MAST4: variants seen among roughly 807,000 people sequenced by gnomAD.
MAST4 encodes the protein microtubule-associated serine/threonine-protein kinase 4.
In MAST4, 89 loss-of-function variants were observed where a neutral mutation model predicts 162.7. The ratio of observed to expected loss-of-function variants is 0.55; its 90% CI spans 0.46 to 0.65. The LOEUF is 0.65. Ranked by LOEUF, MAST4 falls within the 30% of genes least tolerant of loss-of-function variation. The pLI is 0.00. For synonymous variants in MAST4, 1,479 were observed against 1,361.1 expected (o/e 1.09, Z -1.91); for missense variants, 3,153 against 3,374.0 (o/e 0.93, Z 1.62).
At chr5:67,138,397 T>G (rs1285895010) in intron 19 of MAST4, among the ~76,000 whole-genome samples, 4 of 152,062 alleles carry the variant, frequency 2.6e-5, no homozygotes, top group African/African-American at 4.8e-5. Context: ...ATAATATGTG[T>G]TTTTTGTTTG....
At chr5:66,795,353 G>A (rs7733045) in intron 3 of MAST4, among the ~76,000 whole-genome samples, 5 of 152,192 alleles carry the variant, frequency 3.3e-5, no homozygotes, top group Admixed American at 6.5e-5. Context: ...TAATGGTGGT[G>A]AGTGGATTTT....
At chr5:67,078,360 GACTA>G (rs1429464090) in intron 5 of MAST4, among the ~76,000 whole-genome samples, 7 of 143,402 alleles carry the variant, frequency 4.9e-5, no homozygotes, top group African/African-American at 1.8e-4. Context: ...AACAATAAAA[GACTA>G]ACAGAAGAAC....
chr5:66,906,449 G>C (rs147354992), intron 4 of MAST4, among the ~76,000 whole-genome samples: 1 of 152,262 alleles, frequency 6.6e-6, no homozygotes, highest in East Asian at 1.9e-4. Context: ...GGCTGGCCTT[G>C]GAATAAGTGG....
At position 66,961,958 on chromosome 5, in the gene MAST4, A is replaced by G. The variant is rs370311605; in HGVS notation, c.674+61976A>G. ...CCAAATCAGAGAATGGTCTTAGAAG[A>G]TATAAAACTTTACTCTGTTGAAACA... On this transcript the variant is annotated intron_variant, in intron 4 of 28. Coordinates refer to ENST00000403625, the MANE Select transcript of MAST4 (RefSeq NM_001164664.2). Among the ~76,000 whole-genome samples, 13 of 152,362 alleles carry G rather than the reference A, an allele frequency of 8.5e-5. No individual in the cohort carries two copies. In the East Asian group the frequency reaches 1.9e-3, roughly 23 times the overall value.
At chr5:67,001,129 G>C (rs1003991876) in intron 4 of MAST4, among the ~76,000 whole-genome samples, 8 of 152,122 alleles carry the variant, frequency 5.3e-5, no homozygotes, top group Admixed American at 6.5e-5. Context: ...TCTTTGTTCT[G>C]CAGTTGAGTT....
At chr5:66,687,685 C>T (rs1748781079) in intron 1 of MAST4, among the ~76,000 whole-genome samples, 1 of 150,344 alleles carries the variant, frequency 6.7e-6, no homozygotes, top group South Asian at 2.1e-4. Context: ...TCTATACGCA[C>T]CACATTTTCA....
chr5:66,687,488 ATATATG>A (rs1009971600), intron 1 of MAST4, among the ~76,000 whole-genome samples: 3 of 150,200 alleles, frequency 2.0e-5, no homozygotes, highest in Admixed American at 6.6e-5. Context: ...GTATACATAC[ATATATG>A]TATATGTATG....
intron 3 of MAST4, among the ~76,000 whole-genome samples, chr5:66,896,056 A>T (rs186718824): frequency 2.6e-5 from 4 of 152,150 alleles, no homozygotes; most frequent in Admixed American, 2.6e-4. Flanking sequence ...CCTTTTTCTG[A>T]TTGAGAATCC....
intron 3 of MAST4, among the ~76,000 whole-genome samples, chr5:66,808,096 T>C (rs75374956): frequency 0.048 from 7,355 of 152,308 alleles, 268 homozygotes; most frequent in South Asian, 0.13. Context: ...TGCACTCTTT[T>C]CCCAGCTTCC....
At chr5:66,895,538 T>C (rs1340861527) in intron 3 of MAST4, among the ~76,000 whole-genome samples, 1 of 152,116 alleles carries the variant, frequency 6.6e-6, no homozygotes, top group Non-Finnish European at 1.5e-5. Flanking sequence ...TCCATCAAAC[T>C]CCATTTGCTC....
intron 1 of MAST4, among the ~76,000 whole-genome samples, chr5:66,629,807 A>AAAT (rs1257229387): frequency 3.2e-4 from 48 of 152,318 alleles, no homozygotes; most frequent in African/African-American, 1.1e-3. Flanking sequence ...GATGTCTATG[A>AAAT]GTGGTTAATC....
intron 4 of MAST4, among the ~76,000 whole-genome samples, chr5:66,977,319 CT>C (rs547008687): frequency 0.047 from 7,216 of 151,994 alleles, 576 homozygotes; most frequent in African/African-American, 0.16. Flanking sequence ...AGGCAGGTCT[CT>C]TAACTCCCAA....
Position 67,152,729 on chromosome 5 carries a change from G to A in MAST4, c.3388G>A (p.Asp1130Asn), listed in dbSNP as rs1771988930. The A allele has an allele frequency of 6.2e-7, 1 of 1,614,056 alleles. No individual in the cohort carries two copies. Among genetic ancestry groups the A allele is most frequent in the Non-Finnish European group, 8.5e-7 (1 of 1,179,900 alleles). ...SSSRDSSPSR[D>N]SSAASASPHQ... ...TTCACGAGATTCCTCTCCCAGCCGA[G>A]ATTCCTCAGCAGCTTCTGCCAGTCC... is the stretch of plus-strand genomic sequence containing the variant. The change falls in exon 25 of 29, where the codon GAT (aspartate) becomes AAT (asparagine). Residue 1130 changes from aspartate (D) to asparagine (N), a missense_variant. Asp to Asn is a conservative substitution (Grantham distance 23, BLOSUM62 1). This residue lies in a region of MAST4 where 619 missense variants were observed against 744.2 expected (regional missense o/e 0.83). Transcript: ENST00000403625.
chr5:66,603,277 T>C (rs913394696), intron 1 of MAST4, among the ~76,000 whole-genome samples: 1 of 152,218 alleles, frequency 6.6e-6, no homozygotes, highest in African/African-American at 2.4e-5. Context: ...ACCCTTCTGT[T>C]AAGACACCGT....
At position 66,596,453 on chromosome 5, in the gene MAST4, T is replaced by A; in HGVS notation, c.-203T>A. ...GTCCCCGCGCGCGGGAGCCTCCGTT[T>A]GCGGCCGGGCCCGGGCGGCTGTGAA... On this transcript the variant is annotated 5_prime_UTR_variant, in exon 1 of 29. Coordinates refer to ENST00000403625, the MANE Select transcript of MAST4 (RefSeq NM_001164664.2). The A allele has an allele frequency of 1.8e-6, 1 of 556,472 alleles. No homozygotes were observed. Among genetic ancestry groups the A allele is most frequent in the Non-Finnish European group, 2.7e-6 (1 of 370,618 alleles). The allele number at this position is 556,472 out of a possible 1,614,324, so 34.5% of individuals were successfully genotyped here.
At position 66,665,673 on chromosome 5, in the gene MAST4, G is replaced by A. The variant is rs115835321; in HGVS notation, c.363+68655G>A. On this transcript the variant is annotated intron_variant, in intron 1 of 28. Transcript: ENST00000403625. ...ATTTGAACTACAGAGTCGTTAAGAC[G>A]GGCAACTTGGGAGACTGATAGCTGA... Among the ~76,000 whole-genome samples the A allele has an allele frequency of 6.4e-3, 981 of 152,210 alleles. 9 individuals carry two copies. The highest frequency in any genetic ancestry group is 0.022 in the African/African-American group (927 of 41,542).
At chr5:67,121,691 T>G (rs1016708710) in intron 14 of MAST4, among the ~76,000 whole-genome samples, 7 of 148,730 alleles carry the variant, frequency 4.7e-5, no homozygotes, top group Admixed American at 2.0e-4. Context: ...AAAAAAAAAA[T>G]CACAAAAAAC....
At chr5:67,116,467 A>G (rs1766927123) in intron 12 of MAST4, among the ~76,000 whole-genome samples, 2 of 151,166 alleles carry the variant, frequency 1.3e-5, no homozygotes, top group African/African-American at 4.9e-5. Flanking sequence ...CGGCCTCCCA[A>G]AGTGCTGGGA....
intron 11 of MAST4, among the ~76,000 whole-genome samples, chr5:67,111,732 ATAC>A (rs1414246166): frequency 6.6e-6 from 1 of 152,232 alleles, no homozygotes; most frequent in Non-Finnish European, 1.5e-5. Context: ...AACAGCAGAT[ATAC>A]TAAGAGCAGA....
Sources: allele counts gnomAD v4.1 joint callset (sites outside exome capture counted in the v4.1 genomes callset), GRCh38; gene constraint gnomAD v4.1.1; regional missense constraint gnomAD v4.1.1; transcripts MANE v1.5; gene names NCBI Gene and HGNC (gene_info 2026-07-23, HGNC 2026-07-21).